Variants in ETNK2 observed in about 807,000 individuals in gnomAD.
ETNK2 encodes the protein ethanolamine kinase 2.
A neutral mutation model predicts 46.2 loss-of-function variants in ETNK2; 33 were observed. The observed-to-expected ratio is 0.71, with a 90% confidence interval of 0.54 to 0.96. The LOEUF is 0.96. ETNK2 is among the 40% of genes least tolerant of loss of function. The pLI is 0.00. For synonymous variants in ETNK2, 194 were observed against 209.0 expected (o/e 0.93, Z 0.62); for missense variants, 445 against 509.7 (o/e 0.87, Z 1.22).
At chr1:204,148,878 G>A (rs1016742952) in intron 2 of ETNK2, among the ~76,000 whole-genome samples, 2 of 152,140 alleles carry the variant, frequency 1.3e-5, no homozygotes, top group Admixed American at 6.5e-5. Context: ...GCAGATCCCC[G>A]TGCCACTGTC....
At position 204,132,121 on chromosome 1, in the gene ETNK2, G is replaced by T. The variant is rs1171890151; in HGVS notation, c.*63C>A. 2.7e-5 allele frequency: 36 copies of T among 1,329,198 alleles called. 1 individual carries two copies. Among genetic ancestry groups the T allele is most frequent in the Non-Finnish European group, 3.3e-5 (31 of 945,108 alleles). 82.3% of individuals were successfully genotyped at this position (1,329,198 alleles called of 1,614,324 possible). A position where few individuals can be genotyped will look rare whatever the true frequency, so the allele number is the denominator to read the frequency against. ...CCAAGGGTGTGGATCCCAGAGTGCA[G>T]AATTGAGCTCTGGAGAACAGGTCTG... is the stretch of plus-strand genomic sequence containing the variant. On this transcript the variant is annotated 3_prime_UTR_variant, in exon 8 of 8. Transcript: ENST00000367202.
At chr1:204,140,500 T>C (rs763339709) in intron 4 of ETNK2, among the ~76,000 whole-genome samples, 8 of 151,848 alleles carry the variant, frequency 5.3e-5, no homozygotes, top group Non-Finnish European at 1.2e-4. Flanking sequence ...CTCTCTTTCT[T>C]GGCACAGATT....
intron 7 of ETNK2, among the ~76,000 whole-genome samples, chr1:204,133,410 A>G (rs1312183474): frequency 6.6e-6 from 1 of 152,028 alleles, no homozygotes; most frequent in Admixed American, 6.6e-5. Context: ...ATCCTTACCA[A>G]CAATTATTAT....
intron 7 of ETNK2, among the ~76,000 whole-genome samples, chr1:204,133,624 C>T (rs903276673): frequency 1.1e-4 from 17 of 151,608 alleles, no homozygotes; most frequent in African/African-American, 3.1e-4. Flanking sequence ...CTCCGCCTCC[C>T]GGGTTCACGC....
intron 4 of ETNK2, 119 bp from the exon 5 acceptor site, chr1:204,140,237 C>G: frequency 2.8e-6 from 2 of 725,402 alleles, no homozygotes; most frequent in Non-Finnish European, 4.9e-6. Context: ...CTGCAGCAAC[C>G]CTGCCCAATC....
At chr1:204,147,554 C>A (rs1197106890) in intron 2 of ETNK2, 1 of 533,278 alleles carries the variant, frequency 1.9e-6, no homozygotes. Context: ...TTCCCTTCCG[C>A]TGTCCCACCC....
At chr1:204,141,699 G>A (rs1190635652) in intron 3 of ETNK2, 5 of 525,374 alleles carry the variant, frequency 9.5e-6, no homozygotes, top group South Asian at 9.2e-5. Flanking sequence ...AAAGCATGAG[G>A]CAGAGCATAA....
chr1:204,133,043 G>A (rs778747478), intron 7 of ETNK2, among the ~76,000 whole-genome samples: 3 of 152,072 alleles, frequency 2.0e-5, no homozygotes, highest in Admixed American at 2.0e-4. Context: ...CTTATTTAGC[G>A]TAATGTCCTC....
Position 204,134,498 on chromosome 1 carries a change from A to G in ETNK2, c.1088+17T>C. On this transcript the variant is annotated intron_variant, in intron 7 of 7. Coordinates refer to ENST00000367202, the MANE Select transcript of ETNK2 (RefSeq NM_018208.4). ...CTCTCCCTTTTCTCCACGTCCCACC[A>G]TCACCCCCACACTCACCTGAGGAAA... 2.5e-6 allele frequency: 4 copies of G among 1,612,932 alleles called. No individual in the cohort carries two copies. The South Asian group carries it at 4.4e-5, about 18-fold the overall frequency.
At position 204,140,133 on chromosome 1, in the gene ETNK2, A is replaced by G; in HGVS notation, c.785-15T>C. 6.2e-7 allele frequency: 1 copy of G among 1,608,338 alleles called. No homozygotes were observed. The highest frequency in any genetic ancestry group is 8.5e-7 in the Non-Finnish European group (1 of 1,174,868). On this transcript the variant is annotated splice_polypyrimidine_tract_variant and intron_variant, in intron 4 of 7. Transcript: ENST00000367202. Reference sequence around the variant, plus strand: ...CCGCACGTGACCTATGAAGTAGAGGAGAATCGATGAGAGTTGGCCCAGGAG... The same window carrying G: ...CCGCACGTGACCTATGAAGTAGAGGGGAATCGATGAGAGTTGGCCCAGGAG...
chr1:204,146,582 A>G, intron 3 of ETNK2, 60 bp downstream of exon 3: 7 of 1,603,080 alleles, frequency 4.4e-6, no homozygotes, highest in Non-Finnish European at 5.1e-6. Flanking sequence ...GGCTGGAGCC[A>G]AAAGGATGGG....
intron 3 of ETNK2, 33 bp from the exon 4 acceptor site, chr1:204,141,490 G>T: frequency 6.4e-7 from 1 of 1,553,578 alleles, no homozygotes; most frequent in South Asian, 1.2e-5. Context: ...GCCAGTGAAA[G>T]GAGGGCTGAT....
In ETNK2 at chr1:204,132,001, C is replaced by T. The variant is rs1462525629; in HGVS notation, c.*183G>A. ...AGGGGGTCCTATCAGCCCCTCCAGACAGGAGAATGAGGTCTTCAGTGGCAA... is the reference window on the plus strand; with the variant it reads ...AGGGGGTCCTATCAGCCCCTCCAGATAGGAGAATGAGGTCTTCAGTGGCAA... On this transcript the variant is annotated 3_prime_UTR_variant, in exon 8 of 8. Transcript: ENST00000367202. 7 of 613,846 alleles carry T rather than the reference C, an allele frequency of 1.1e-5. No individual in the cohort carries two copies. Among genetic ancestry groups the T allele is most frequent in the Non-Finnish European group, 2.1e-5 (7 of 340,030 alleles). The allele number at this position is 613,846 out of a possible 1,614,324, so 38.0% of individuals were successfully genotyped here. A position where few individuals can be genotyped will look rare whatever the true frequency, so the allele number is the denominator to read the frequency against.
chr1:204,137,525 T>G (rs576910752), intron 5 of ETNK2, among the ~76,000 whole-genome samples: 36 of 151,994 alleles, frequency 2.4e-4, no homozygotes, highest in African/African-American at 8.7e-4. Context: ...GTCCTGGGAG[T>G]GACAGGAACC....
In ETNK2 at chr1:204,151,348, G is replaced by A. The variant is rs1657997689; in HGVS notation, c.258+247C>T. ...CGCACACGCAGCATGCCGACAGTGG[G>A]CAGGTGGCCACCAGGCGTGCCTAAG... On this transcript the variant is annotated intron_variant, in intron 1 of 7. Transcript: ENST00000367202. The surrounding 1 kb of genome is among the most constrained non-coding windows in gnomAD (Gnocchi z 8.0). 2 of 576,832 alleles carry A rather than the reference G, an allele frequency of 3.5e-6. No individual in the cohort carries two copies. The highest frequency in any genetic ancestry group is 3.6e-5 in the Admixed American group (1 of 28,104). 35.7% of individuals were successfully genotyped at this position (576,832 alleles called of 1,614,324 possible).
Position 204,137,265 on chromosome 1 carries a change from G to A in ETNK2, c.869-16C>T, listed in dbSNP as rs202005832. The A allele has an allele frequency of 1.9e-6, 3 of 1,612,336 alleles. No homozygotes were observed. The highest frequency in any genetic ancestry group is 2.5e-6 in the Non-Finnish European group (3 of 1,178,974). ...TCATTCACGCCTGAGGGGGAGGCAG[G>A]CCAGACAAAGTTGCTCAGAGATGGG... On this transcript the variant is annotated splice_polypyrimidine_tract_variant and intron_variant, in intron 5 of 7. Coordinates refer to ENST00000367202, the MANE Select transcript of ETNK2 (RefSeq NM_018208.4).
intron 1 of ETNK2, among the ~76,000 whole-genome samples, chr1:204,150,287 C>A (rs1054640981): frequency 1.3e-5 from 2 of 152,160 alleles, no homozygotes; most frequent in Admixed American, 6.5e-5. Flanking sequence ...TGCTCCTTAC[C>A]CTCCACCCCA....
At chr1:204,148,675 G>C (rs1399650157) in intron 2 of ETNK2, among the ~76,000 whole-genome samples, 1 of 152,034 alleles carries the variant, frequency 6.6e-6, no homozygotes, top group African/African-American at 2.4e-5. Context: ...GGGTGGAAGA[G>C]CTCTCAAATC....
chr1:204,134,450 C>T, intron 7 of ETNK2, 65 bp downstream of exon 7: 1 of 1,567,640 alleles, frequency 6.4e-7, no homozygotes, highest in Non-Finnish European at 8.7e-7. Context: ...TGTCCTTTGC[C>T]CACACCCTGG....
Sources: allele counts gnomAD v4.1 joint callset (sites outside exome capture counted in the v4.1 genomes callset), GRCh38; gene constraint gnomAD v4.1.1; non-coding constraint Gnocchi (gnomAD v3.1); transcripts MANE v1.5; gene names NCBI Gene and HGNC (gene_info 2026-07-23, HGNC 2026-07-21).